CNTNAP2: variants seen among roughly 807,000 people sequenced by gnomAD.
The protein encoded by CNTNAP2 is contactin-associated protein-like 2.
CNTNAP2 carries 98 observed loss-of-function variants against 155.2 expected under a neutral mutation model. The ratio of observed to expected loss-of-function variants is 0.63; its 90% CI spans 0.54 to 0.75. The LOEUF (loss-of-function observed/expected upper bound fraction) is 0.75, where lower values mean the gene tolerates loss of function less well. Ranked by LOEUF, CNTNAP2 falls within the 30% of genes least tolerant of loss-of-function variation. CNTNAP2 has a pLI of 0.00. For missense variants in CNTNAP2, 1,727 were observed against 1,688.1 expected (o/e 1.02, Z -0.40); for synonymous variants, 651 against 631.2 (o/e 1.03, Z -0.47).
chr7:147,787,067 G>T (rs1797752021), intron 13 of CNTNAP2, among the ~76,000 whole-genome samples: 2 of 152,174 alleles, frequency 1.3e-5, no homozygotes, highest in Admixed American at 1.3e-4. Context: ...TTCAAGAGTT[G>T]TTGGGCATCA....
intron 9 of CNTNAP2, among the ~76,000 whole-genome samples, chr7:147,353,820 C>T (rs1278807500): frequency 2.0e-5 from 3 of 151,764 alleles, no homozygotes; most frequent in Non-Finnish European, 4.4e-5. Flanking sequence ...TGTTTCCTGA[C>T]TTAATGATCG....
intron 8 of CNTNAP2, among the ~76,000 whole-genome samples, chr7:147,189,175 C>CT (rs1429675113): frequency 1.3e-5 from 2 of 152,026 alleles, no homozygotes; most frequent in East Asian, 1.9e-4. Context: ...AAATAAATAA[C>CT]TTTTTTAAGA....
At chr7:146,552,664 A>T (rs142131390) in intron 1 of CNTNAP2, among the ~76,000 whole-genome samples, 1 of 151,980 alleles carries the variant, frequency 6.6e-6, no homozygotes. Flanking sequence ...GTTAAAATCA[A>T]ATGCACTTAT....
chr7:146,738,079 G>C (rs1444260212), intron 1 of CNTNAP2, among the ~76,000 whole-genome samples: 1 of 151,944 alleles, frequency 6.6e-6, no homozygotes, highest in South Asian at 2.1e-4. Flanking sequence ...TTTTCAATTT[G>C]TTGAGGAGCC....
At chr7:148,085,842 T>G (rs1803717205) in intron 15 of CNTNAP2, among the ~76,000 whole-genome samples, 1 of 152,108 alleles carries the variant, frequency 6.6e-6, no homozygotes, top group African/African-American at 2.4e-5. Flanking sequence ...GCCTCCCAAG[T>G]GTTGGGATAG....
intron 1 of CNTNAP2, among the ~76,000 whole-genome samples, chr7:146,771,315 A>G (rs1802290090): frequency 6.6e-6 from 1 of 152,204 alleles, no homozygotes; most frequent in Non-Finnish European, 1.5e-5. Flanking sequence ...AAATGAATGA[A>G]ATGAACATGA....
At chr7:147,705,091 C>T in intron 13 of CNTNAP2, among the ~76,000 whole-genome samples, 1 of 151,640 alleles carries the variant, frequency 6.6e-6, no homozygotes, top group African/African-American at 2.4e-5. Context: ...TTATGTATTT[C>T]CTTCTATTAA....
chr7:146,125,904 A>G, intron 1 of CNTNAP2, among the ~76,000 whole-genome samples: 1 of 152,210 alleles, frequency 6.6e-6, no homozygotes, highest in Non-Finnish European at 1.5e-5. Flanking sequence ...CTAGAACTCC[A>G]GGCAGCAGTA....
At chr7:147,782,736 C>T (rs1165254471) in intron 13 of CNTNAP2, among the ~76,000 whole-genome samples, 2 of 152,146 alleles carry the variant, frequency 1.3e-5, no homozygotes, top group Non-Finnish European at 2.9e-5. Flanking sequence ...ACCACAGCAG[C>T]CTGTTTATGT....
chr7:147,741,979 T>C (rs557015217), intron 13 of CNTNAP2, among the ~76,000 whole-genome samples: 1 of 152,294 alleles, frequency 6.6e-6, no homozygotes, highest in African/African-American at 2.4e-5. Flanking sequence ...CTCACAATCA[T>C]GGTGGAAGGC....
At chr7:146,782,214 T>G (rs546573087) in intron 2 of CNTNAP2, 1 of 152,202 alleles carries the variant, frequency 6.6e-6, no homozygotes, top group South Asian at 2.1e-4. Flanking sequence ...CACAGGTAAT[T>G]CATTATTACT....
chr7:147,988,668 G>A (rs1374166337), intron 15 of CNTNAP2, among the ~76,000 whole-genome samples: 1 of 152,090 alleles, frequency 6.6e-6, no homozygotes. Flanking sequence ...CTCTCTGGGT[G>A]CCTCTCCCTT....
intron 15 of CNTNAP2, among the ~76,000 whole-genome samples, chr7:148,078,066 T>C (rs1803527169): frequency 6.6e-6 from 1 of 150,448 alleles, no homozygotes; most frequent in Non-Finnish European, 1.5e-5. Flanking sequence ...ACATAATCAT[T>C]GTTTTGTTTT....
At chr7:147,467,097 C>T (rs1798133702) in intron 10 of CNTNAP2, among the ~76,000 whole-genome samples, 1 of 152,096 alleles carries the variant, frequency 6.6e-6, no homozygotes, top group Non-Finnish European at 1.5e-5. Flanking sequence ...GAAAATAAGA[C>T]ATTTCAACTG....
chr7:148,163,048 G>T (rs185085879), intron 17 of CNTNAP2, among the ~76,000 whole-genome samples: 1 of 152,172 alleles, frequency 6.6e-6, no homozygotes, highest in Admixed American at 6.6e-5. Context: ...TAAATGTCTT[G>T]CCTCAGGTAT....
chr7:146,541,749 C>T (rs546197321), intron 1 of CNTNAP2, among the ~76,000 whole-genome samples: 14 of 151,948 alleles, frequency 9.2e-5, no homozygotes, highest in Non-Finnish European at 2.1e-4. Flanking sequence ...TCCTTCTCAT[C>T]ACTGAAGAAG....
intron 3 of CNTNAP2, among the ~76,000 whole-genome samples, chr7:146,917,036 C>T (rs1796407993): frequency 6.6e-6 from 1 of 152,108 alleles, no homozygotes; most frequent in Non-Finnish European, 1.5e-5. Context: ...TCATTCAGTT[C>T]AAAGAAATTT....
At chr7:146,214,398 A>G (rs1380210225) in intron 1 of CNTNAP2, among the ~76,000 whole-genome samples, 4 of 152,230 alleles carry the variant, frequency 2.6e-5, no homozygotes, top group Non-Finnish European at 5.9e-5. Context: ...AACATTGTTT[A>G]CATTTACATA....
At chr7:147,079,344 C>T (rs1800066755) in intron 4 of CNTNAP2, among the ~76,000 whole-genome samples, 1 of 152,128 alleles carries the variant, frequency 6.6e-6, no homozygotes, top group East Asian at 1.9e-4. Context: ...CACCACACCA[C>T]GGCCTGACAG....
Sources: gnomAD v4.1 joint callset for allele counts (sites outside exome capture counted in the v4.1 genomes callset) on GRCh38, gnomAD v4.1.1 for gene constraint, MANE v1.5 for transcripts, NCBI Gene and HGNC (gene_info 2026-07-23, HGNC 2026-07-21) for gene names.